PARD3B: variants seen among roughly 807,000 people sequenced by gnomAD.
PARD3B encodes the protein partitioning defective 3 homolog B.
In PARD3B, 103 loss-of-function variants were observed where a neutral mutation model predicts 130.2. The ratio of observed to expected loss-of-function variants is 0.79; its 90% confidence interval spans 0.67 to 0.93. The LOEUF is 0.93. Ranked by LOEUF, PARD3B falls within the 40% of genes least tolerant of loss-of-function variation. The pLI, the probability that PARD3B is intolerant of heterozygous loss-of-function variation, is 0.00. For synonymous variants in PARD3B, 583 were observed against 553.2 expected, an observed-to-expected ratio of 1.05 and a Z score of -0.76; for missense variants, 1,609 against 1,499.2, an observed-to-expected ratio of 1.07 and a Z score of -1.21.
chr2:204,569,018 T>A (rs1176764471), intron 1 of PARD3B, among the ~76,000 whole-genome samples: 1 of 151,766 alleles, frequency 6.6e-6, no homozygotes, highest in Non-Finnish European at 1.5e-5. Context: ...CCCAAATATA[T>A]CATTGCTTTA....
At chr2:205,303,654 T>A (rs556396406) in intron 18 of PARD3B, among the ~76,000 whole-genome samples, 1 of 152,214 alleles carries the variant, frequency 6.6e-6, no homozygotes, top group East Asian at 1.9e-4. Flanking sequence ...CTCCAGCACA[T>A]CCCACACCAG....
chr2:204,813,907 G>A (rs2043053687), intron 2 of PARD3B, among the ~76,000 whole-genome samples: 2 of 151,884 alleles, frequency 1.3e-5, no homozygotes, highest in East Asian at 3.9e-4. Context: ...AGTCATATTG[G>A]CCCTTTAACT....
chr2:204,577,248 T>C (rs1026385229), intron 1 of PARD3B, among the ~76,000 whole-genome samples: 2 of 152,226 alleles, frequency 1.3e-5, no homozygotes, highest in African/African-American at 4.8e-5. Flanking sequence ...GAATACCTAG[T>C]GTTTAATGTG....
At chr2:205,052,656 G>T (rs971033011) in intron 4 of PARD3B, among the ~76,000 whole-genome samples, 1 of 151,428 alleles carries the variant, frequency 6.6e-6, no homozygotes, top group Non-Finnish European at 1.5e-5. Flanking sequence ...AAATAATGTA[G>T]GGAAGCCACT....
intron 11 of PARD3B, among the ~76,000 whole-genome samples, chr2:205,164,582 G>A (rs1287869202): frequency 6.6e-6 from 1 of 151,440 alleles, no homozygotes; most frequent in African/African-American, 2.4e-5. Flanking sequence ...AAATTTACAT[G>A]TACACTATAC....
intron 4 of PARD3B, among the ~76,000 whole-genome samples, chr2:205,063,259 T>C (rs994421108): frequency 6.6e-6 from 1 of 152,074 alleles, no homozygotes; most frequent in African/African-American, 2.4e-5. Context: ...CATTATACGT[T>C]GTATGAATGT....
chr2:204,994,970 G>C (rs1694025927), intron 3 of PARD3B, among the ~76,000 whole-genome samples: 1 of 150,808 alleles, frequency 6.6e-6, no homozygotes, highest in African/African-American at 2.4e-5. Flanking sequence ...GAGCCTATGT[G>C]TGTCTCTGCA....
intron 18 of PARD3B, among the ~76,000 whole-genome samples, chr2:205,349,485 A>C (rs1574772824): frequency 6.6e-6 from 1 of 152,322 alleles, no homozygotes; most frequent in Non-Finnish European, 1.5e-5. Context: ...TTTTTTTCAA[A>C]ATAAACTGTG....
chr2:205,106,833 G>C (rs1703256844), intron 5 of PARD3B, among the ~76,000 whole-genome samples: 1 of 152,138 alleles, frequency 6.6e-6, no homozygotes, highest in Admixed American at 6.5e-5. Context: ...TAAGACCCTG[G>C]AGTGGGAAAA....
intron 2 of PARD3B, among the ~76,000 whole-genome samples, chr2:204,772,928 A>C (rs2125434493): frequency 6.6e-6 from 1 of 152,156 alleles, no homozygotes; most frequent in Admixed American, 6.6e-5. Flanking sequence ...TCCAAGCCCC[A>C]GCTCCTATTC....
intron 1 of PARD3B, 38 bp from the exon 2 acceptor site, chr2:204,686,143 T>C (rs745725155): frequency 7.3e-7 from 1 of 1,373,324 alleles, no homozygotes; most frequent in Admixed American, 1.7e-5. Flanking sequence ...CTTTTTAACA[T>C]AGATTAGGTC....
chr2:205,471,531 T>A (rs2106258602), intron 20 of PARD3B, among the ~76,000 whole-genome samples: 1 of 152,042 alleles, frequency 6.6e-6, no homozygotes, highest in South Asian at 2.1e-4. Context: ...CTGGCTAATT[T>A]CTTGTACTTT....
At chr2:204,569,994 G>C (rs2031892893) in intron 1 of PARD3B, among the ~76,000 whole-genome samples, 1 of 152,098 alleles carries the variant, frequency 6.6e-6, no homozygotes, top group Non-Finnish European at 1.5e-5. Context: ...TTTTGTAAGT[G>C]TGTGGCAAAA....
intron 18 of PARD3B, among the ~76,000 whole-genome samples, chr2:205,373,827 T>C (rs1412740515): frequency 6.6e-6 from 1 of 152,240 alleles, no homozygotes; most frequent in African/African-American, 2.4e-5. Flanking sequence ...TACCCCTTGC[T>C]CTGTTTATGT....
rs1575269243 is a variant in PARD3B at position 204,906,236 on chromosome 2, G to A, written c.223-58916G>A. On this transcript the variant is annotated intron_variant, in intron 2 of 22. Transcript: ENST00000406610. This position sits in a 1 kb window ranked among gnomAD's most constrained non-coding sequence, Gnocchi z 4.3. Reference sequence around the variant, plus strand: ...TTTGTCAAAAAGTAAAATGAACCCAGCTCTCTCTGTATGAGATTCTGGAGT... The same window carrying A: ...TTTGTCAAAAAGTAAAATGAACCCAACTCTCTCTGTATGAGATTCTGGAGT... Among the ~76,000 whole-genome samples the A allele has an allele frequency of 5.3e-5, 8 of 152,120 alleles. No homozygotes were observed. In the South Asian group the frequency reaches 1.7e-3, roughly 31 times the overall value.
chr2:205,018,288 T>C (rs1696312832), intron 3 of PARD3B, among the ~76,000 whole-genome samples: 1 of 152,194 alleles, frequency 6.6e-6, no homozygotes, highest in Non-Finnish European at 1.5e-5. Context: ...AGATATGATA[T>C]ATCTGTATAA....
intron 2 of PARD3B, among the ~76,000 whole-genome samples, chr2:204,905,490 G>A (rs1309215517): frequency 2.0e-5 from 3 of 152,066 alleles, no homozygotes; most frequent in Non-Finnish European, 4.4e-5. Flanking sequence ...TCATTTAAAG[G>A]GAAGATAGTC....
At chr2:204,935,146 C>T (rs1575350566) in intron 2 of PARD3B, among the ~76,000 whole-genome samples, 1 of 138,666 alleles carries the variant, frequency 7.2e-6, no homozygotes, top group African/African-American at 2.6e-5. Flanking sequence ...GTTTTCCCTA[C>T]TTTTTTTTTT....
chr2:205,214,042 T>C (rs1448429446), intron 15 of PARD3B, among the ~76,000 whole-genome samples: 2 of 152,140 alleles, frequency 1.3e-5, no homozygotes, highest in African/African-American at 2.4e-5. Flanking sequence ...TTACAGGCAT[T>C]CTTTTTTCCT....
Sources: gnomAD v4.1 joint callset for allele counts (sites outside exome capture counted in the v4.1 genomes callset) on GRCh38, gnomAD v4.1.1 for gene constraint, Gnocchi (gnomAD v3.1) non-coding constraint, MANE v1.5 for transcripts, NCBI Gene and HGNC (gene_info 2026-07-23, HGNC 2026-07-21) for gene names.